SUPT6H: variants seen among roughly 807,000 people sequenced by gnomAD.
SUPT6H encodes the protein transcription elongation factor SPT6.
In SUPT6H, 11 loss-of-function variants were observed where a neutral mutation model predicts 222.3. That is an observed-to-expected ratio of 0.05 (90% CI 0.03 to 0.08). The LOEUF (loss-of-function observed/expected upper bound fraction) is 0.08. SUPT6H is among the 10% of genes least tolerant of loss of function. The pLI is 1.00. For synonymous variants in SUPT6H, 762 were observed against 801.2 expected (o/e 0.95, Z 0.83); for missense variants, 1,422 against 2,216.0 (o/e 0.64, Z 7.19).
Position 28,682,714 on chromosome 17 carries a change from C to G in SUPT6H, c.1598-13C>G. On this transcript the variant is annotated splice_polypyrimidine_tract_variant and intron_variant, in intron 13 of 36. Transcript: ENST00000314616. ...ATCTGCTGCCTTACCCTTCACTCTT[C>G]TGTTTGCTTTAGATGGCCTGGCCAA... 5 of 1,613,946 alleles carry G rather than the reference C, an allele frequency of 3.1e-6. No individual in the cohort carries two copies. The highest frequency in any genetic ancestry group is 4.2e-6 in the Non-Finnish European group (5 of 1,179,894).
At position 28,675,044 on chromosome 17, in the gene SUPT6H, T is replaced by C. The variant is rs747212669; in HGVS notation, c.420T>C (p.His140=). ...AGGAGGAATATGGCAAGGAGGAACA[T>C]GAAAAAGAAGCTATTGCGGAAGAAA... is the stretch of plus-strand genomic sequence containing the variant. ...DDEEEYGKEE[H]EKEAIAEEIF... Residue 140 remains histidine (H), a synonymous_variant, in exon 5 of 37, where the codon CAT becomes CAC. Coordinates refer to ENST00000314616, the MANE Select transcript of SUPT6H (RefSeq NM_003170.5). 20 of 1,613,460 alleles carry C rather than the reference T, an allele frequency of 1.2e-5. No individual in the cohort carries two copies. In the South Asian group the frequency reaches 1.9e-4, roughly 15 times the overall value.
rs2072111642 is a variant in SUPT6H, at chr17:28,663,820, C to T, written c.-32+1478C>T. On this transcript the variant is annotated intron_variant, in intron 1 of 36. Coordinates refer to ENST00000314616, the MANE Select transcript of SUPT6H (RefSeq NM_003170.5). ...TTATACCAATCTGGCTTCTCTTCTGCCCACTCCATTTTTTTTTTTTTTTTT... is the reference window on the plus strand; with the variant it reads ...TTATACCAATCTGGCTTCTCTTCTGTCCACTCCATTTTTTTTTTTTTTTTT... Among the ~76,000 whole-genome samples, 4 of 21,716 alleles carry T rather than the reference C, an allele frequency of 1.8e-4. No homozygotes were observed. The South Asian group carries it at 4.7e-3, about 25-fold the overall frequency. 14.2% of individuals were successfully genotyped at this position (21,716 alleles called of 152,430 possible).
At chr17:28,667,608 C>G (rs1057245281) in intron 1 of SUPT6H, among the ~76,000 whole-genome samples, 1 of 150,426 alleles carries the variant, frequency 6.6e-6, no homozygotes, top group African/African-American at 2.4e-5. Flanking sequence ...CCCTAGACTT[C>G]TGGGGCTGTT....
intron 9 of SUPT6H, 94 bp downstream of exon 9, chr17:28,678,286 C>CA: frequency 2.6e-6 from 3 of 1,137,660 alleles, no homozygotes; most frequent in Non-Finnish European, 3.9e-6. Context: ...AGCCCCCTTC[C>CA]CGTATCCCCT....
At chr17:28,669,233 C>G (rs1256791937) in intron 1 of SUPT6H, among the ~76,000 whole-genome samples, 1 of 152,204 alleles carries the variant, frequency 6.6e-6, no homozygotes, top group Non-Finnish European at 1.5e-5. Flanking sequence ...GAGACGGAGT[C>G]TCACTGTCGG....
chr17:28,667,403 G>GGATA (rs1555546894), intron 1 of SUPT6H, among the ~76,000 whole-genome samples: 1 of 42,352 alleles, frequency 2.4e-5, no homozygotes, highest in Non-Finnish European at 4.8e-5. Flanking sequence ...AAGTGTGTGT[G>GGATA]TGTATATATA....
chr17:28,668,239 T>C (rs1349016077), intron 1 of SUPT6H, among the ~76,000 whole-genome samples: 1 of 152,202 alleles, frequency 6.6e-6, no homozygotes, highest in Admixed American at 6.5e-5. Flanking sequence ...ATGGGGAAAA[T>C]TTTAAGAGCA....
chr17:28,664,381 C>A (rs1375503272), intron 1 of SUPT6H, among the ~76,000 whole-genome samples: 1 of 152,170 alleles, frequency 6.6e-6, no homozygotes, highest in Non-Finnish European at 1.5e-5. Context: ...GGCGACACGC[C>A]TGTAATCCCA....
intron 1 of SUPT6H, among the ~76,000 whole-genome samples, chr17:28,667,960 A>G (rs1345405000): frequency 6.6e-6 from 1 of 151,842 alleles, no homozygotes; most frequent in Admixed American, 6.6e-5. Context: ...GGAAGGAATT[A>G]ACAGACTAGA....
Position 28,697,956 on chromosome 17 carries a change from C to A in SUPT6H, c.4374C>A (p.Ile1458=). Residue 1458 remains isoleucine (I), a synonymous_variant, in exon 32 of 37, where the codon ATC becomes ATA. Transcript: ENST00000314616. ...CTAAGAAGGAGAAGCCCACCTTCATCCCTTATTTCATCTGTGCCTGCAAGG... is the reference window on the plus strand; with the variant it reads ...CTAAGAAGGAGAAGCCCACCTTCATACCTTATTTCATCTGTGCCTGCAAGG... ...IKTKKEKPTF[I]PYFICACKEL... is the part of the protein sequence containing the mutation. The A allele has an allele frequency of 1.2e-6, 2 of 1,614,038 alleles. No individual in the cohort carries two copies. Among genetic ancestry groups the A allele is most frequent in the South Asian group, 1.1e-5 (1 of 91,084 alleles).
At position 28,701,562 on chromosome 17, in the gene SUPT6H, C is replaced by G; in HGVS notation, c.5118C>G (p.Ile1706Met). Residue 1706 changes from isoleucine to methionine, a missense_variant, in exon 37 of 37, where the codon ATC (isoleucine) becomes ATG (methionine). Physicochemically the swap from Ile to Met is conservative, Grantham distance 10. This residue lies in a region of SUPT6H where 395 missense variants were observed against 580.6 expected (regional missense o/e 0.68). Coordinates refer to ENST00000314616, the MANE Select transcript of SUPT6H (RefSeq NM_003170.5). Reference protein sequence around the residue: ...LTPRPSPSPMIESTPMSIAGD... With the variant: ...LTPRPSPSPMMESTPMSIAGD... ...CTCGGCCCTCCCCCAGCCCCATGAT[C>G]GAAAGCACCCCCATGTCCATTGCTG... 2.5e-6 allele frequency: 4 copies of G among 1,614,066 alleles called. No individual in the cohort carries two copies. The highest frequency in any genetic ancestry group is 3.4e-6 in the Non-Finnish European group (4 of 1,180,004).
At chr17:28,682,593 C>A in intron 13 of SUPT6H, 134 bp from the exon 14 acceptor site, 3 of 1,308,902 alleles carry the variant, frequency 2.3e-6, no homozygotes, top group Non-Finnish European at 3.2e-6. Flanking sequence ...TGCACTTTAG[C>A]CTGGGCAACA....
In SUPT6H at chr17:28,687,177, G is replaced by T. The variant is rs1418153435; in HGVS notation, c.2790G>T (p.Val930=). The change falls in exon 22 of 37, where the codon GTG becomes GTT. Residue 930 remains valine, a synonymous_variant. Transcript: ENST00000314616. The part of the protein sequence containing the change: ...IQDPLIEFAQ[V]CSSDEDILCL... The stretch of plus-strand genomic sequence containing the variant: ...ACCCTCTGATTGAATTTGCCCAGGT[G>T]TGCAGTTCCGATGAAGACATCCTGT... The T allele has an allele frequency of 6.2e-7, 1 of 1,614,034 alleles. No individual in the cohort carries two copies. Among genetic ancestry groups the T allele is most frequent in the African/African-American group, 1.3e-5 (1 of 74,918 alleles).
In SUPT6H at chr17:28,683,772, C is replaced by T; in HGVS notation, c.2185C>T (p.Leu729Phe). The change falls in exon 17 of 37, where the codon CTC (leucine) becomes TTC (phenylalanine). Residue 729 changes from leucine (L) to phenylalanine (F), a missense_variant. Leu to Phe is a conservative substitution (Grantham distance 22). This residue lies in a region of SUPT6H where 294 missense variants were observed against 382.1 expected (regional missense o/e 0.77). Coordinates refer to ENST00000314616, the MANE Select transcript of SUPT6H (RefSeq NM_003170.5). Reference sequence around the variant, plus strand: ...CCTCTATGTGCAGATGGCCAAAGAACTCAAGAACAAGCTGCTGGCTGAAGC... The same window carrying T: ...CCTCTATGTGCAGATGGCCAAAGAATTCAAGAACAAGCTGCTGGCTGAAGC... ...QFLYVQMAKE[L>F]KNKLLAEAKE... The T allele has an allele frequency of 1.2e-6, 2 of 1,613,830 alleles. No individual in the cohort carries two copies. Among genetic ancestry groups the T allele is most frequent in the Non-Finnish European group, 1.7e-6 (2 of 1,179,984 alleles).
At position 28,678,605 on chromosome 17, in the gene SUPT6H, C is replaced by T. The variant is rs1203878377; in HGVS notation, c.1177C>T (p.Leu393=). 4 of 1,614,022 alleles carry T rather than the reference C, an allele frequency of 2.5e-6. No homozygotes were observed. The African/African-American group carries it at 5.3e-5, about 22-fold the overall frequency. The change falls in exon 10 of 37, where the codon CTA becomes TTA. Residue 393 remains leucine (L), a synonymous_variant. Coordinates refer to ENST00000314616, the MANE Select transcript of SUPT6H (RefSeq NM_003170.5). Reference sequence around the variant, plus strand: ...GGAGCCTGAGTTGCACATCAATGACCTATGGAGAGTCTGGCAGTGGGATGA... The same window carrying T: ...GGAGCCTGAGTTGCACATCAATGACTTATGGAGAGTCTGGCAGTGGGATGA... The part of the protein sequence containing the change: ...YVEPELHIND[L]WRVWQWDEKW...
chr17:28,683,389 C>G lies in SUPT6H; in HGVS notation c.2000C>G (p.Thr667Ser). ...CLAEDEGLLT[T>S]DISIDLKGVE... ...GCTGAAGACGAAGGGCTCCTCACCA[C>G]TGACATCAGCATAGATTTGAAGGGA... The change falls in exon 16 of 37, where the codon ACT becomes AGT. Residue 667 changes from threonine (T) to serine (S), a missense_variant. Physicochemically the swap from Thr to Ser is moderately conservative, Grantham distance 58. Around this residue, in one of 13 missense-constraint regions of SUPT6H, gnomAD observed 121 missense variants for 158.0 expected, o/e 0.77. Transcript: ENST00000314616. 6.2e-7 allele frequency: 1 copy of G among 1,614,158 alleles called. No homozygotes were observed. The highest frequency in any genetic ancestry group is 2.2e-5 in the East Asian group (1 of 44,884).
rs773626162 is a variant in SUPT6H, at chr17:28,686,842, C to T, written c.2700+53C>T. On this transcript the variant is annotated intron_variant, in intron 21 of 36. Transcript: ENST00000314616. ...CTGCCCAGGCAAGTGCTATTAATCC[C>T]AAAGAGATTAAATTGGGAAACAAAA... The T allele has an allele frequency of 9.1e-6, 14 of 1,538,624 alleles. No homozygotes were observed. In the Admixed American group the frequency reaches 1.3e-4, roughly 14 times the overall value.
intron 11 of SUPT6H, among the ~76,000 whole-genome samples, chr17:28,679,210 A>G (rs2030937716): frequency 6.6e-6 from 1 of 152,174 alleles, no homozygotes; most frequent in African/African-American, 2.4e-5. Context: ...CATCTCTACT[A>G]AAAATACAAA....
At chr17:28,681,668 A>G (rs969145633) in intron 12 of SUPT6H, among the ~76,000 whole-genome samples, 1 of 151,410 alleles carries the variant, frequency 6.6e-6, no homozygotes, top group South Asian at 2.1e-4. Context: ...AGTTGAGATC[A>G]TGCCACTGCA....
Sources: allele counts gnomAD v4.1 joint callset (sites outside exome capture counted in the v4.1 genomes callset), GRCh38; gene constraint gnomAD v4.1.1; regional missense constraint gnomAD v4.1.1; transcripts MANE v1.5; gene names NCBI Gene and HGNC (gene_info 2026-07-23, HGNC 2026-07-21).